The following MRPS28 variants were observed in gnomAD, a reference collection of about 807,000 sequenced individuals.
MRPS28 encodes small ribosomal subunit protein bS1m.
In MRPS28, 7 loss-of-function variants were observed where a neutral mutation model predicts 10.8. The observed-to-expected ratio is 0.65, with a 90% confidence interval of 0.37 to 1.22. MRPS28 has a LOEUF of 1.22. MRPS28 is among the 50% of genes most tolerant of loss of function. The pLI, the probability that MRPS28 is intolerant of heterozygous loss-of-function variation, is 0.02. For missense variants in MRPS28, 265 were observed against 232.9 expected, an observed-to-expected ratio of 1.14 and a Z score of -0.90; for synonymous variants, 121 against 93.3, an observed-to-expected ratio of 1.30 and a Z score of -1.71.
chr8:79,937,698 T>C (rs1044114207), intron 2 of MRPS28, among the ~76,000 whole-genome samples: 1 of 152,238 alleles, frequency 6.6e-6, no homozygotes, highest in Non-Finnish European at 1.5e-5. Context: ...CTTTCATAGT[T>C]TGATACTACC....
At chr8:79,929,617 C>A (rs948566583) in intron 2 of MRPS28, among the ~76,000 whole-genome samples, 1 of 151,618 alleles carries the variant, frequency 6.6e-6, no homozygotes, top group South Asian at 2.1e-4. Context: ...TGCCCCCACC[C>A]CCCCAAAAGC....
At chr8:80,029,950 A>G in intron 1 of MRPS28, 86 bp downstream of exon 1, 2 of 1,541,186 alleles carry the variant, frequency 1.3e-6, no homozygotes, top group African/African-American at 1.4e-5. Flanking sequence ...CCCCTTCCTA[A>G]GCCAGGCTCC....
intron 2 of MRPS28, among the ~76,000 whole-genome samples, chr8:79,943,538 T>C (rs372593102): frequency 5.9e-5 from 9 of 152,322 alleles, no homozygotes; most frequent in South Asian, 2.1e-4. Flanking sequence ...CAAACAGCAA[T>C]TGATTTTCTA....
intron 2 of MRPS28, among the ~76,000 whole-genome samples, chr8:79,979,358 G>A (rs1161201783): frequency 6.6e-6 from 1 of 152,094 alleles, no homozygotes; most frequent in Non-Finnish European, 1.5e-5. Flanking sequence ...CAGCCACAAT[G>A]AAAAAGTTAA....
chr8:80,001,089 G>A (rs541449509), intron 2 of MRPS28, among the ~76,000 whole-genome samples: 1 of 152,290 alleles, frequency 6.6e-6, no homozygotes, highest in African/African-American at 2.4e-5. Flanking sequence ...AACATCTGCT[G>A]AGAAATATCT....
intron 2 of MRPS28, among the ~76,000 whole-genome samples, chr8:79,969,627 A>G (rs1807579807): frequency 6.6e-6 from 1 of 152,116 alleles, no homozygotes; most frequent in African/African-American, 2.4e-5. Context: ...TCTGTAACAA[A>G]AGAAAACAGA....
At position 80,028,358 on chromosome 8, in the gene MRPS28, T is replaced by C. The variant is rs925123514; in HGVS notation, c.213+1678A>G. Among the ~76,000 whole-genome samples, 13 of 152,186 alleles carry C rather than the reference T, an allele frequency of 8.5e-5. No individual in the cohort carries two copies. The South Asian group carries it at 1.0e-3, about 12-fold the overall frequency. On this transcript the variant is annotated intron_variant, in intron 1 of 2. Coordinates refer to ENST00000276585, the MANE Select transcript of MRPS28 (RefSeq NM_014018.3). ...CCAACCTTACTGCACTTAACTCTTA[T>C]GGCCTTACCTTAAGGATGGATCTAA...
At chr8:80,029,870 A>G (rs1809603275) in intron 1 of MRPS28, 166 bp downstream of exon 1, 2 of 1,535,814 alleles carry the variant, frequency 1.3e-6, no homozygotes, top group Admixed American at 2.0e-5. Context: ...CACCAAGCAC[A>G]GATTCTAGGG....
At chr8:79,964,345 T>C (rs917596194) in intron 2 of MRPS28, among the ~76,000 whole-genome samples, 1 of 152,110 alleles carries the variant, frequency 6.6e-6, no homozygotes, top group African/African-American at 2.4e-5. Flanking sequence ...AAGCCAGGGA[T>C]AAAATAAAAT....
At chr8:79,998,395 C>A (rs953076646) in intron 2 of MRPS28, among the ~76,000 whole-genome samples, 4 of 152,106 alleles carry the variant, frequency 2.6e-5, no homozygotes, top group Non-Finnish European at 5.9e-5. Flanking sequence ...TATAAGGTCC[C>A]ATGCATGTCT....
chr8:80,026,532 C>T (rs1419951905), intron 1 of MRPS28, among the ~76,000 whole-genome samples: 2 of 152,214 alleles, frequency 1.3e-5, no homozygotes, highest in Non-Finnish European at 2.9e-5. Context: ...TTCATTCACA[C>T]ATTTGACAAA....
intron 1 of MRPS28, among the ~76,000 whole-genome samples, chr8:80,014,448 C>G (rs1809142463): frequency 6.6e-6 from 1 of 152,246 alleles, no homozygotes; most frequent in South Asian, 2.1e-4. Context: ...GTGCAGCAAG[C>G]ATATGAACAA....
At chr8:79,971,349 A>G (rs1244554449) in intron 2 of MRPS28, among the ~76,000 whole-genome samples, 1 of 152,246 alleles carries the variant, frequency 6.6e-6, no homozygotes, top group African/African-American at 2.4e-5. Context: ...TAATTAAAAT[A>G]TAATTCATGT....
chr8:79,967,165 T>C (rs1807524617), intron 2 of MRPS28, among the ~76,000 whole-genome samples: 1 of 152,134 alleles, frequency 6.6e-6, no homozygotes, highest in African/African-American at 2.4e-5. Context: ...TGTATGGATA[T>C]TGAGTCTTGG....
intron 1 of MRPS28, among the ~76,000 whole-genome samples, chr8:80,012,190 TACC>T (rs1361527347): frequency 2.0e-5 from 3 of 152,216 alleles, no homozygotes; most frequent in African/African-American, 7.2e-5. Context: ...GAAATAATTT[TACC>T]ACAAGCATAA....
intron 2 of MRPS28, among the ~76,000 whole-genome samples, chr8:79,964,154 T>C (rs1398411529): frequency 2.0e-5 from 3 of 152,068 alleles, no homozygotes; most frequent in Non-Finnish European, 4.4e-5. Context: ...TCAACAGAGA[T>C]TGCTGAAGTA....
chr8:79,986,094 C>A (rs1213765839), intron 2 of MRPS28, among the ~76,000 whole-genome samples: 2 of 152,184 alleles, frequency 1.3e-5, no homozygotes, highest in Non-Finnish European at 2.9e-5. Flanking sequence ...AAGTAGGCTT[C>A]ATTCCTGGGA....
chr8:79,990,756 G>A (rs1483302254), intron 2 of MRPS28, among the ~76,000 whole-genome samples: 4 of 151,756 alleles, frequency 2.6e-5, no homozygotes, highest in East Asian at 1.9e-4. Flanking sequence ...CTGGGAGGCC[G>A]AGGCGGGCAG....
chr8:80,018,434 A>C (rs148601133), intron 1 of MRPS28, among the ~76,000 whole-genome samples: 2 of 152,192 alleles, frequency 1.3e-5, no homozygotes, highest in African/African-American at 4.8e-5. Context: ...CTACAATGAG[A>C]TATCATCTCA....
Sources: allele counts gnomAD v4.1 joint callset (sites outside exome capture counted in the v4.1 genomes callset), GRCh38; gene constraint gnomAD v4.1.1; transcripts MANE v1.5; gene names NCBI Gene and HGNC (gene_info 2026-07-23, HGNC 2026-07-21).